Variants in GDAP2 observed in about 807,000 individuals in gnomAD.
The protein encoded by GDAP2 is ganglioside-induced differentiation-associated protein 2.
A neutral mutation model predicts 67.0 loss-of-function variants in GDAP2; 51 were observed. The ratio of observed to expected loss-of-function variants is 0.76; its 90% CI spans 0.61 to 0.96. The LOEUF (loss-of-function observed/expected upper bound fraction) is 0.96, where lower values mean the gene tolerates loss of function less well. GDAP2 is among the 40% of genes least tolerant of loss of function. The pLI, the probability that GDAP2 is intolerant of heterozygous loss-of-function variation, is 0.00. For missense variants in GDAP2, 547 were observed against 588.3 expected (o/e 0.93, Z 0.73); for synonymous variants, 203 against 207.3 (o/e 0.98, Z 0.18).
Position 117,911,334 on chromosome 1 carries a change from A to T in GDAP2, c.559+660T>A, listed in dbSNP as rs145973635. Among the ~76,000 whole-genome samples, 535 of 152,356 alleles carry T rather than the reference A, an allele frequency of 3.5e-3. 5 individuals are homozygous for T. The highest frequency in any genetic ancestry group is 0.012 in the African/African-American group (484 of 41,582). ...TGAAAACCTAAATGCAGAATTTTAC[A>T]TTCAAATAGCATGTGTGAATGTGGC... On this transcript the variant is annotated intron_variant, in intron 5 of 13. Transcript: ENST00000369443.
At chr1:117,885,764 T>G (rs1388517301) in intron 10 of GDAP2, among the ~76,000 whole-genome samples, 1 of 152,172 alleles carries the variant, frequency 6.6e-6, no homozygotes, top group Non-Finnish European at 1.5e-5. Flanking sequence ...TACAATTTTT[T>G]TTTTACTATG....
chr1:117,909,610 T>A (rs142484723), intron 5 of GDAP2, among the ~76,000 whole-genome samples: 423 of 152,320 alleles, frequency 2.8e-3, no homozygotes, highest in African/African-American at 1.0e-2. Flanking sequence ...ATCTTCTGTG[T>A]AAGTGTTTGA....
At chr1:117,894,164 G>C (rs1030302590) in intron 8 of GDAP2, among the ~76,000 whole-genome samples, 7 of 150,186 alleles carry the variant, frequency 4.7e-5, no homozygotes, top group Admixed American at 3.3e-4. Flanking sequence ...TTTTGAGACA[G>C]GGTCTCTCTC....
At chr1:117,916,565 T>C (rs1014665666) in intron 3 of GDAP2, among the ~76,000 whole-genome samples, 7 of 152,182 alleles carry the variant, frequency 4.6e-5, no homozygotes, top group African/African-American at 1.7e-4. Flanking sequence ...GGAGACCAGC[T>C]GGGAGAGAGG....
At chr1:117,909,416 T>C (rs938071778) in intron 5 of GDAP2, among the ~76,000 whole-genome samples, 1 of 152,206 alleles carries the variant, frequency 6.6e-6, no homozygotes, top group African/African-American at 2.4e-5. Flanking sequence ...TTAATATATC[T>C]ATCAAAAACA....
At chr1:117,900,788 C>T (rs1023550767) in intron 6 of GDAP2, among the ~76,000 whole-genome samples, 2 of 149,780 alleles carry the variant, frequency 1.3e-5, no homozygotes, top group African/African-American at 2.5e-5. Context: ...AGGCCGGGCA[C>T]GGTGGCTCAC....
At chr1:117,884,658 A>G (rs1000389018) in intron 10 of GDAP2, among the ~76,000 whole-genome samples, 2 of 152,152 alleles carry the variant, frequency 1.3e-5, no homozygotes, top group African/African-American at 4.8e-5. Context: ...CCAGAACCCC[A>G]TGCAAGTACA....
At chr1:117,917,581 G>C (rs749066018) in intron 3 of GDAP2, among the ~76,000 whole-genome samples, 2 of 152,168 alleles carry the variant, frequency 1.3e-5, no homozygotes, top group Admixed American at 1.3e-4. Context: ...TTAGAGATGA[G>C]GAAGCTCAGA....
chr1:117,870,670 G>A, intron 13 of GDAP2, 54 bp from the exon 14 acceptor site: 1 of 1,180,976 alleles, frequency 8.5e-7, no homozygotes, highest in Non-Finnish European at 1.3e-6. Context: ...AATTTAACTG[G>A]AAATGTGAAA....
rs373711790 is a variant in GDAP2 at position 117,880,305 on chromosome 1, G to A, written c.1302+1518C>T. Among the ~76,000 whole-genome samples, 40 of 152,274 alleles carry A rather than the reference G, an allele frequency of 2.6e-4. No individual in the cohort carries two copies. The East Asian group carries it at 3.7e-3, about 14-fold the overall frequency. ...AGAAGCCAAGACAAACTGTGTCAAG[G>A]AGAAGTGATCAACTGTGTTTAAGGC... On this transcript the variant is annotated intron_variant, in intron 12 of 13. Transcript: ENST00000369443.
At chr1:117,896,436 G>C (rs537084151) in intron 8 of GDAP2, among the ~76,000 whole-genome samples, 40 of 152,260 alleles carry the variant, frequency 2.6e-4, no homozygotes, top group African/African-American at 9.4e-4. Flanking sequence ...GAGAAATAAG[G>C]CTCTTTTAAA....
rs549329465 is a variant in GDAP2 at position 117,867,774 on chromosome 1, C to T, written c.*2795G>A. The T allele has an allele frequency of 1.3e-5, 2 of 151,818 alleles. No individual in the cohort carries two copies. The highest frequency in any genetic ancestry group is 2.1e-4 in the South Asian group (1 of 4,816). 9.4% of individuals were successfully genotyped at this position (151,818 alleles called of 1,614,324 possible). A position where few individuals can be genotyped will look rare whatever the true frequency, so the allele number is the denominator to read the frequency against. On this transcript the variant is annotated 3_prime_UTR_variant, in exon 14 of 14. Coordinates refer to ENST00000369443, the MANE Select transcript of GDAP2 (RefSeq NM_017686.4). The stretch of plus-strand genomic sequence containing the variant: ...ACATAATATACATTAAAGGAGAAAA[C>T]GTCTTTAAAATATGTACCATTTGCC...
intron 3 of GDAP2, among the ~76,000 whole-genome samples, chr1:117,913,019 G>C (rs75751380): frequency 6.6e-6 from 1 of 152,100 alleles, no homozygotes; most frequent in Non-Finnish European, 1.5e-5. Context: ...TAACTAATAC[G>C]AAGCAAGTTG....
At chr1:117,873,738 ATCCACCAAGTC>A (rs1331673760) in intron 13 of GDAP2, among the ~76,000 whole-genome samples, 1 of 152,128 alleles carries the variant, frequency 6.6e-6, no homozygotes, top group Non-Finnish European at 1.5e-5. Flanking sequence ...GTAGCAACAT[ATCCACCAAGTC>A]TCCCAAAGCA....
At chr1:117,886,715 G>A in intron 9 of GDAP2, 62 bp from the exon 10 acceptor site, 1 of 850,014 alleles carries the variant, frequency 1.2e-6, no homozygotes, top group Non-Finnish European at 2.0e-6. Context: ...ATTTGTCTTG[G>A]GCTCTGACTT....
At chr1:117,918,046 G>T (rs1183694302) in intron 3 of GDAP2, among the ~76,000 whole-genome samples, 1 of 152,126 alleles carries the variant, frequency 6.6e-6, no homozygotes, top group Non-Finnish European at 1.5e-5. Context: ...TTTTTATTAG[G>T]TTAGAAACCA....
rs552079818 is a variant in GDAP2, at chr1:117,883,842, G to T, written c.1108-215C>A. ...CCAGTGTTTAATAATTCTCATAAGTGCTACAGTACAATTCCTTTCTGTCTT... is the reference window on the plus strand; with the variant it reads ...CCAGTGTTTAATAATTCTCATAAGTTCTACAGTACAATTCCTTTCTGTCTT... On this transcript the variant is annotated intron_variant, in intron 10 of 13. Transcript: ENST00000369443. 1.3e-3 allele frequency among the ~76,000 whole-genome samples: 204 copies of T among 152,232 alleles called. 2 individuals carry two copies. The highest frequency in any genetic ancestry group is 0.01 in the Middle Eastern group (3 of 294).
chr1:117,927,308 T>C (rs1236814647), intron 1 of GDAP2, among the ~76,000 whole-genome samples: 1 of 152,132 alleles, frequency 6.6e-6, no homozygotes, highest in Admixed American at 6.5e-5. Flanking sequence ...GCTAGAGAGA[T>C]CAGATTTTAT....
chr1:117,921,350 T>C (rs895899450), intron 1 of GDAP2, among the ~76,000 whole-genome samples: 1 of 152,118 alleles, frequency 6.6e-6, no homozygotes, highest in Non-Finnish European at 1.5e-5. Flanking sequence ...TATGTTTCCA[T>C]GGAGAAGACA....
Sources: gnomAD v4.1 joint callset for allele counts (sites outside exome capture counted in the v4.1 genomes callset) on GRCh38, gnomAD v4.1.1 for gene constraint, MANE v1.5 for transcripts, NCBI Gene and HGNC (gene_info 2026-07-23, HGNC 2026-07-21) for gene names.